Variants in HS6ST3 observed in about 807,000 individuals in gnomAD.
HS6ST3 encodes heparan sulfate 6-O-sulfotransferase 3, also known as heparan-sulfate 6-O-sulfotransferase 3.
Under a neutral mutation model 36.7 loss-of-function variants are expected in HS6ST3, and 12 were observed. The ratio of observed to expected loss-of-function variants is 0.33; its 90% CI spans 0.21 to 0.53. HS6ST3 has a LOEUF of 0.53. Among genes scored for constraint, HS6ST3 ranks in the 20% least tolerant of loss-of-function variants. HS6ST3 has a pLI of 0.95. For missense variants in HS6ST3, 584 were observed against 640.9 expected (o/e 0.91, Z 0.96); for synonymous variants, 240 against 257.5 (o/e 0.93, Z 0.65).
At chr13:96,799,960 ATATG>A (rs1160382599) in intron 1 of HS6ST3, among the ~76,000 whole-genome samples, 7,809 of 81,010 alleles carry the variant, frequency 0.096, 810 homozygotes, top group African/African-American at 0.29. Flanking sequence ...ATATATATAT[ATATG>A]TGTATATATA....
At chr13:96,575,885 G>A (rs564797245) in intron 1 of HS6ST3, among the ~76,000 whole-genome samples, 8 of 152,282 alleles carry the variant, frequency 5.3e-5, no homozygotes, top group African/African-American at 1.7e-4. Context: ...GTGGCCAGTG[G>A]GAAGAAGTGA....
intron 1 of HS6ST3, among the ~76,000 whole-genome samples, chr13:96,589,638 G>GT (rs1304945958): frequency 6.6e-6 from 1 of 151,814 alleles, no homozygotes; most frequent in Non-Finnish European, 1.5e-5. Flanking sequence ...AGATCTTTCT[G>GT]TTTTTTGATA....
intron 1 of HS6ST3, among the ~76,000 whole-genome samples, chr13:96,199,525 A>C (rs1361635610): frequency 1.3e-5 from 2 of 152,236 alleles, no homozygotes; most frequent in Non-Finnish European, 2.9e-5. Context: ...CCTACTCAGC[A>C]TTAAATTCAT....
At chr13:96,483,005 G>A (rs1594790290) in intron 1 of HS6ST3, among the ~76,000 whole-genome samples, 1 of 152,132 alleles carries the variant, frequency 6.6e-6, no homozygotes, top group African/African-American at 2.4e-5. Context: ...TACTTACCTT[G>A]TGCCAGATAC....
chr13:96,302,872 C>G (rs750496025), intron 1 of HS6ST3, among the ~76,000 whole-genome samples: 2 of 152,030 alleles, frequency 1.3e-5, no homozygotes, highest in Non-Finnish European at 2.9e-5. Context: ...ATAATTTTAT[C>G]CTAGAACAGG....
chr13:96,098,088 T>C (rs926007453), intron 1 of HS6ST3, among the ~76,000 whole-genome samples: 4 of 152,190 alleles, frequency 2.6e-5, no homozygotes, highest in Non-Finnish European at 4.4e-5. Context: ...ATTGGACTTA[T>C]TGGATTATTG....
chr13:96,250,963 C>A (rs1288661233), intron 1 of HS6ST3, among the ~76,000 whole-genome samples: 4 of 152,158 alleles, frequency 2.6e-5, no homozygotes. Flanking sequence ...GTGCATAATC[C>A]TTTTAATGTA....
chr13:96,545,745 T>C (rs1367401034), intron 1 of HS6ST3, among the ~76,000 whole-genome samples: 1 of 152,190 alleles, frequency 6.6e-6, no homozygotes, highest in African/African-American at 2.4e-5. Flanking sequence ...TCATCTGTAT[T>C]CTTAAGGAAT....
At chr13:96,371,617 C>G (rs1233295151) in intron 1 of HS6ST3, among the ~76,000 whole-genome samples, 1 of 152,176 alleles carries the variant, frequency 6.6e-6, no homozygotes, top group Non-Finnish European at 1.5e-5. Context: ...AACATGTCCC[C>G]ATTTCCCCCA....
intron 1 of HS6ST3, among the ~76,000 whole-genome samples, chr13:96,314,775 T>G (rs1382834144): frequency 2.6e-5 from 4 of 152,156 alleles, no homozygotes. Flanking sequence ...ACAAAGGTAA[T>G]AAAAATAATT....
At chr13:96,511,489 A>T (rs1426309169) in intron 1 of HS6ST3, among the ~76,000 whole-genome samples, 1 of 152,034 alleles carries the variant, frequency 6.6e-6, no homozygotes, top group Non-Finnish European at 1.5e-5. Context: ...AATTTCTCTA[A>T]GAACTAATGA....
At chr13:96,690,736 G>A (rs1201803172) in intron 1 of HS6ST3, among the ~76,000 whole-genome samples, 1 of 152,036 alleles carries the variant, frequency 6.6e-6, no homozygotes, top group Non-Finnish European at 1.5e-5. Flanking sequence ...CTACCTAGGG[G>A]TAGGGAAATA....
chr13:96,247,253 G>C (rs1566300420), intron 1 of HS6ST3, among the ~76,000 whole-genome samples: 1 of 151,768 alleles, frequency 6.6e-6, no homozygotes, highest in Non-Finnish European at 1.5e-5. Flanking sequence ...ACAGGTAATT[G>C]GTAGGGGAAA....
At chr13:96,112,081 G>A (rs920197563) in intron 1 of HS6ST3, among the ~76,000 whole-genome samples, 8 of 152,096 alleles carry the variant, frequency 5.3e-5, no homozygotes, top group African/African-American at 1.9e-4. Flanking sequence ...TACATCTCTG[G>A]ATGCATAGCT....
chr13:96,763,483 T>A (rs1877018638), intron 1 of HS6ST3, among the ~76,000 whole-genome samples: 1 of 150,508 alleles, frequency 6.6e-6, no homozygotes, highest in African/African-American at 2.4e-5. Flanking sequence ...AGAGTAAGAC[T>A]CTGTCTCAAA....
At chr13:96,096,363 A>G (rs574608602) in intron 1 of HS6ST3, among the ~76,000 whole-genome samples, 1 of 152,190 alleles carries the variant, frequency 6.6e-6, no homozygotes, top group Non-Finnish European at 1.5e-5. Flanking sequence ...CTCAGTAAAA[A>G]CTTGAGGAAT....
chr13:96,108,846 A>G (rs2053854663), intron 1 of HS6ST3, among the ~76,000 whole-genome samples: 2 of 152,186 alleles, frequency 1.3e-5, no homozygotes, highest in Non-Finnish European at 2.9e-5. Flanking sequence ...GAGAAGGGTA[A>G]AAAGCTCCTC....
intron 1 of HS6ST3, among the ~76,000 whole-genome samples, chr13:96,123,009 A>G (rs1053272205): frequency 3.3e-5 from 5 of 152,200 alleles, no homozygotes; most frequent in African/African-American, 1.2e-4. Context: ...CCAGACTGGC[A>G]TAGTTTTACC....
intron 1 of HS6ST3, among the ~76,000 whole-genome samples, chr13:96,198,857 C>T (rs568591376): frequency 6.6e-6 from 1 of 152,332 alleles, no homozygotes; most frequent in South Asian, 2.1e-4. Context: ...AAAGTTGCTT[C>T]CACATTTTTG....
Sources: gnomAD v4.1 joint callset for allele counts (sites outside exome capture counted in the v4.1 genomes callset) on GRCh38, gnomAD v4.1.1 for gene constraint, MANE v1.5 for transcripts, NCBI Gene and HGNC (gene_info 2026-07-23, HGNC 2026-07-21) for gene names.